The following AKAP19 variants were observed in gnomAD, a reference collection of about 807,000 sequenced individuals.
AKAP19 encodes A-kinase anchoring protein 19, also known as small A-kinase anchoring protein.
At chr2:190,005,867 T>C in the AKAP19 span, among the ~76,000 whole-genome samples, 1 of 152,254 alleles carries the variant, frequency 6.6e-6, no homozygotes, top group African/African-American at 2.4e-5. Context: ...TAAATACCAA[T>C]GCAACTTTTC....
At chr2:189,888,336 C>A in the AKAP19 span, among the ~76,000 whole-genome samples, 1 of 152,158 alleles carries the variant, frequency 6.6e-6, no homozygotes, top group East Asian at 1.9e-4. Flanking sequence ...CAGTACCATG[C>A]TGTTTTGGTT....
At chr2:190,094,864 G>C in the AKAP19 span, among the ~76,000 whole-genome samples, 1 of 152,164 alleles carries the variant, frequency 6.6e-6, no homozygotes, top group African/African-American at 2.4e-5. Flanking sequence ...ACTTTATCTG[G>C]ATATGGATCA....
chr2:189,908,162 T>C, the AKAP19 span, among the ~76,000 whole-genome samples: 1 of 151,594 alleles, frequency 6.6e-6, no homozygotes, highest in African/African-American at 2.4e-5. Context: ...ATTTCAGATC[T>C]TTCTATTTTC....
the AKAP19 span, among the ~76,000 whole-genome samples, chr2:189,957,895 G>A: frequency 1.3e-5 from 2 of 152,138 alleles, no homozygotes; most frequent in African/African-American, 2.4e-5. Flanking sequence ...CCAGGTTCAA[G>A]CAATTTTCCT....
the AKAP19 span, among the ~76,000 whole-genome samples, chr2:190,071,173 C>G: frequency 4.6e-5 from 7 of 152,100 alleles, no homozygotes; most frequent in Non-Finnish European, 8.8e-5. Flanking sequence ...GTAGGCTGGA[C>G]ATGGTGGCTC....
chr2:189,956,792 AG>A, the AKAP19 span, among the ~76,000 whole-genome samples: 1 of 152,046 alleles, frequency 6.6e-6, no homozygotes, highest in Non-Finnish European at 1.5e-5. Flanking sequence ...TATGTGGTCC[AG>A]GCTGGTGGCA....
At chr2:190,143,063 A>G in the AKAP19 span, among the ~76,000 whole-genome samples, 1 of 151,940 alleles carries the variant, frequency 6.6e-6, no homozygotes, top group Non-Finnish European at 1.5e-5. Flanking sequence ...GGGGTGTGTG[A>G]TTTAGTATGT....
the AKAP19 span, among the ~76,000 whole-genome samples, chr2:189,969,548 G>T: frequency 6.6e-6 from 1 of 151,732 alleles, no homozygotes; most frequent in Admixed American, 6.6e-5. Flanking sequence ...GGCCAAGATG[G>T]TGAAACCCCG....
At chr2:190,059,968 C>G in the AKAP19 span, 2 of 1,349,538 alleles carry the variant, frequency 1.5e-6, no homozygotes, top group Non-Finnish European at 2.1e-6. Context: ...AGCTTATGAG[C>G]TTAGGGAATT....
At chr2:189,978,484 G>A in the AKAP19 span, among the ~76,000 whole-genome samples, 1 of 152,152 alleles carries the variant, frequency 6.6e-6, no homozygotes, top group South Asian at 2.1e-4. Context: ...AACTGGGCAT[G>A]GTGGTGCATG....
At chr2:190,007,580 C>T in the AKAP19 span, among the ~76,000 whole-genome samples, 9 of 152,188 alleles carry the variant, frequency 5.9e-5, no homozygotes, top group African/African-American at 2.2e-4. Flanking sequence ...AGGACTGTGC[C>T]TCCTCCATGC....
chr2:189,992,039 C>T, the AKAP19 span, among the ~76,000 whole-genome samples: 1 of 135,076 alleles, frequency 7.4e-6, no homozygotes, highest in Admixed American at 8.7e-5. Flanking sequence ...TTATACTCAC[C>T]TATTAAATAG....
the AKAP19 span, among the ~76,000 whole-genome samples, chr2:189,934,251 T>C: frequency 6.6e-6 from 1 of 152,052 alleles, no homozygotes; most frequent in Non-Finnish European, 1.5e-5. Context: ...TAACATCACA[T>C]TTTTTGCATG....
chr2:190,158,124 A>C, the AKAP19 span, among the ~76,000 whole-genome samples: 1 of 152,124 alleles, frequency 6.6e-6, no homozygotes, highest in African/African-American at 2.4e-5. Context: ...CCTGTCACGT[A>C]CCCCTTGCTT....
the AKAP19 span, among the ~76,000 whole-genome samples, chr2:189,960,500 T>C: frequency 0.081 from 12,251 of 152,166 alleles, 709 homozygotes; most frequent in Non-Finnish European, 0.12. Flanking sequence ...TTACACACTT[T>C]TATTTCTTAT....
At chr2:189,983,949 T>A in the AKAP19 span, among the ~76,000 whole-genome samples, 11 of 149,670 alleles carry the variant, frequency 7.3e-5, no homozygotes, top group African/African-American at 2.5e-4. Context: ...ACCAGCAAGT[T>A]TTTTTTAGGA....
At chr2:189,977,548 C>CT in the AKAP19 span, among the ~76,000 whole-genome samples, 1 of 152,182 alleles carries the variant, frequency 6.6e-6, no homozygotes. Context: ...AAAATGGTGT[C>CT]TGATATGCCT....
At chr2:190,173,335 A>G in the AKAP19 span, among the ~76,000 whole-genome samples, 1 of 152,194 alleles carries the variant, frequency 6.6e-6, no homozygotes. Flanking sequence ...CATGAGTACC[A>G]ATTCATTCAA....
chr2:190,112,018 C>T, the AKAP19 span, among the ~76,000 whole-genome samples: 2 of 152,130 alleles, frequency 1.3e-5, 1 homozygote. Flanking sequence ...CTGCCTCAGC[C>T]TCCTGAGTAG....
Sources: allele counts gnomAD v4.1 joint callset (sites outside exome capture counted in the v4.1 genomes callset), GRCh38; gene constraint gnomAD v4.1.1; transcripts MANE v1.5; gene names NCBI Gene and HGNC (gene_info 2026-07-23, HGNC 2026-07-21).